The following PDXK variants were observed in gnomAD, a reference collection of about 807,000 sequenced individuals.
PDXK encodes pyridoxal kinase.
In PDXK, 15 loss-of-function variants were observed where a neutral mutation model predicts 43.2. That is an observed-to-expected ratio of 0.35 (90% CI 0.23 to 0.53). PDXK has a LOEUF of 0.53. Ranked by LOEUF, PDXK falls within the 20% of genes least tolerant of loss-of-function variation. PDXK has a pLI of 0.92. For synonymous variants in PDXK, 172 were observed against 165.4 expected (o/e 1.04, Z -0.31); for missense variants, 343 against 417.0 (o/e 0.82, Z 1.54).
intron 7 of PDXK, among the ~76,000 whole-genome samples, chr21:43,752,090 C>T (rs1311113078): frequency 6.8e-6 from 1 of 147,056 alleles, no homozygotes; most frequent in Non-Finnish European, 1.5e-5. Context: ...TGCTGGGTGG[C>T]GATGCAGCAC....
chr21:43,722,403 C>G (rs1222270156), intron 1 of PDXK, among the ~76,000 whole-genome samples: 3 of 152,228 alleles, frequency 2.0e-5, no homozygotes, highest in Non-Finnish European at 4.4e-5. Flanking sequence ...CTCCCAACCC[C>G]TTTTGCTCTA....
rs143932193 is a variant in PDXK, at chr21:43,736,024, C to T, written c.142+1901C>T. ...CAGCCCCTCAGCCCCTCTGGGCTCCCGTGCCACCCACTGTGAGTGCGGTGC... is the reference window on the plus strand; with the variant it reads ...CAGCCCCTCAGCCCCTCTGGGCTCCTGTGCCACCCACTGTGAGTGCGGTGC... On this transcript the variant is annotated intron_variant, in intron 2 of 10. Coordinates refer to ENST00000291565, the MANE Select transcript of PDXK (RefSeq NM_003681.5). Among the ~76,000 whole-genome samples the T allele has an allele frequency of 4.7e-3, 709 of 152,324 alleles. 8 individuals carry two copies. The highest frequency in any genetic ancestry group is 0.015 in the African/African-American group (636 of 41,570).
chr21:43,744,226 G>C (rs560649190), intron 4 of PDXK, among the ~76,000 whole-genome samples: 4 of 152,018 alleles, frequency 2.6e-5, no homozygotes, highest in East Asian at 3.9e-4. Flanking sequence ...GCTAGGGAGT[G>C]GGGGGAGGGA....
At position 43,735,146 on chromosome 21, in the gene PDXK, C is replaced by T. The variant is rs76482865; in HGVS notation, c.142+1023C>T. The stretch of plus-strand genomic sequence containing the variant: ...TGAAACCCTTTCCTGCCTTTGCTTG[C>T]GGGGCACACTGGGTGCTGTGAGATT... On this transcript the variant is annotated intron_variant, in intron 2 of 10. Transcript: ENST00000291565. This position sits in a 1 kb window ranked among gnomAD's most constrained non-coding sequence, Gnocchi z 5.3. Among the ~76,000 whole-genome samples the T allele has an allele frequency of 0.011, 1,646 of 152,332 alleles. 30 individuals are homozygous for T. Among genetic ancestry groups the T allele is most frequent in the African/African-American group, 0.037 (1,530 of 41,556 alleles).
chr21:43,729,870 G>A (rs2083295728), intron 1 of PDXK, among the ~76,000 whole-genome samples: 1 of 152,126 alleles, frequency 6.6e-6, no homozygotes, highest in Non-Finnish European at 1.5e-5. Context: ...ATTGAGCCCA[G>A]GAGGGAGAGG....
At position 43,761,036 on chromosome 21, in the gene PDXK, C is replaced by T. The variant is rs968058933; in HGVS notation, c.*4973C>T. ...GTAAGTTTAGATGACTGGTCAATAT[C>T]TTAAAAATGTATATTAGTAAGAAGT... On this transcript the variant is annotated 3_prime_UTR_variant, in exon 11 of 11. Transcript: ENST00000291565. The T allele has an allele frequency of 6.6e-6, 1 of 152,218 alleles. No homozygotes were observed. Among genetic ancestry groups the T allele is most frequent in the Admixed American group, 6.5e-5 (1 of 15,282 alleles). The allele number at this position is 152,218 out of a possible 1,614,324, so 9.4% of individuals were successfully genotyped here. A position where few individuals can be genotyped will look rare whatever the true frequency, so the allele number is the denominator to read the frequency against.
rs8377 is a variant in PDXK at position 43,761,430 on chromosome 21, G to A, written c.*5367G>A. On this transcript the variant is annotated 3_prime_UTR_variant, in exon 11 of 11. Coordinates refer to ENST00000291565, the MANE Select transcript of PDXK (RefSeq NM_003681.5). ...AGCAAGGGCAAGCCCAGTGTCTGGC[G>A]GATAGGTGGGTGGGAACAGAGAGGG... The A allele has an allele frequency of 0.22, 33,983 of 156,158 alleles. 4,014 individuals carry two copies. The highest frequency in any genetic ancestry group is 0.25 in the African/African-American group (10,224 of 41,564). 9.7% of individuals were successfully genotyped at this position (156,158 alleles called of 1,614,324 possible).
chr21:43,736,254 G>A (rs924645924), intron 2 of PDXK, among the ~76,000 whole-genome samples: 3 of 152,158 alleles, frequency 2.0e-5, no homozygotes, highest in South Asian at 2.1e-4. Flanking sequence ...CATGCACGAC[G>A]GGCCTCCCGC....
At chr21:43,738,156 A>G in intron 2 of PDXK, 1 of 577,556 alleles carries the variant, frequency 1.7e-6, no homozygotes, top group Non-Finnish European at 2.2e-6. Context: ...GAGCCCCTAC[A>G]GAGGTCAGCA....
intron 10 of PDXK, 79 bp downstream of exon 10, chr21:43,755,843 GT>G: frequency 6.8e-7 from 1 of 1,475,212 alleles, no homozygotes; most frequent in Non-Finnish European, 9.5e-7. Context: ...GCACGTGCTG[GT>G]TTTGAAGGTG....
At position 43,753,649 on chromosome 21, in the gene PDXK, T is replaced by C. The variant is rs2083795126; in HGVS notation, c.689T>C (p.Phe230Ser). The C allele has an allele frequency of 6.2e-7, 1 of 1,613,664 alleles. No individual in the cohort carries two copies. Among genetic ancestry groups the C allele is most frequent in the Non-Finnish European group, 8.5e-7 (1 of 1,179,818 alleles). The change falls in exon 9 of 11, where the codon TTT (phenylalanine) becomes TCT (serine). Residue 230 changes from phenylalanine (F) to serine (S), a missense_variant. Coordinates refer to ENST00000291565, the MANE Select transcript of PDXK (RefSeq NM_003681.5). ...RMDIRKVDAV[F>S]VGTGDLFAAM... is the part of the protein sequence containing the mutation. ...GACATTCGCAAAGTGGACGCCGTCT[T>C]TGTGGGCACTGGGGACCTGTTTGCT...
Position 43,761,839 on chromosome 21 carries a change from T to C in PDXK, c.*5776T>C, listed in dbSNP as rs1253192681. On this transcript the variant is annotated 3_prime_UTR_variant, in exon 11 of 11. Transcript: ENST00000291565. ...CCCATGAGGTGTCTGAAGCCCCTTC[T>C]TGGTGATGGGAGGCAGAGGTGCTGA... The C allele has an allele frequency of 6.5e-6, 1 of 153,294 alleles. No homozygotes were observed. Among genetic ancestry groups the C allele is most frequent in the African/African-American group, 2.4e-5 (1 of 41,454 alleles). The allele number at this position is 153,294 out of a possible 1,614,324, so 9.5% of individuals were successfully genotyped here. A position where few individuals can be genotyped will look rare whatever the true frequency, so the allele number is the denominator to read the frequency against.
At position 43,761,447 on chromosome 21, in the gene PDXK, CAG is replaced by C. The variant is rs981742872; in HGVS notation, c.*5389_*5390del. On this transcript the variant is annotated 3_prime_UTR_variant, in exon 11 of 11. Transcript: ENST00000291565. ...TGTCTGGCGGATAGGTGGGTGGGAA[CAG>C]AGAGGGGAGAATGCCGTCCTAAGCT... 1.3e-5 allele frequency: 2 copies of C among 156,278 alleles called. No homozygotes were observed. Among genetic ancestry groups the C allele is most frequent in the African/African-American group, 4.8e-5 (2 of 41,554 alleles). 9.7% of individuals were successfully genotyped at this position (156,278 alleles called of 1,614,324 possible).
In PDXK at chr21:43,755,962, G is replaced by A. The variant is rs764743040; in HGVS notation, c.838G>A (p.Glu280Lys). ...TGCCTGCCCCGCAGCCCAGGCCGGGGAAGGAGTGAGGCCCAGCCCCATGCA... is the reference window on the plus strand; with the variant it reads ...TGCCTGCCCCGCAGCCCAGGCCGGGAAAGGAGTGAGGCCCAGCCCCATGCA... The part of the protein sequence containing the change: ...TIQCAKAQAG[E>K]GVRPSPMQLE... Residue 280 changes from glutamate (E) to lysine (K), a missense_variant, in exon 11 of 11, where the codon GAA becomes AAA. By Grantham distance (56) the Glu-to-Lys change is moderately conservative. Transcript: ENST00000291565. 6.2e-7 allele frequency: 1 copy of A among 1,610,466 alleles called. No individual in the cohort carries two copies. Among genetic ancestry groups the A allele is most frequent in the South Asian group, 1.1e-5 (1 of 90,836 alleles).
At position 43,730,346 on chromosome 21, in the gene PDXK, G is replaced by T. The variant is rs1042565217; in HGVS notation, c.88-3723G>T. On this transcript the variant is annotated intron_variant, in intron 1 of 10. Coordinates refer to ENST00000291565, the MANE Select transcript of PDXK (RefSeq NM_003681.5). ...TTGCCATGTTGTCCAGGCTGGTCTC[G>T]AACTCCTGACCTCAGGTGATCCTCC... 2.6e-5 allele frequency among the ~76,000 whole-genome samples: 4 copies of T among 152,080 alleles called. No individual in the cohort carries two copies. In the East Asian group the frequency reaches 7.7e-4, roughly 29 times the overall value.
chr21:43,748,756 C>T (rs989650417), intron 5 of PDXK, among the ~76,000 whole-genome samples: 2 of 152,138 alleles, frequency 1.3e-5, no homozygotes, highest in Non-Finnish European at 2.9e-5. Context: ...ACCCACTGTG[C>T]GCCCTGAGTC....
At chr21:43,736,600 C>G (rs1384278245) in intron 2 of PDXK, among the ~76,000 whole-genome samples, 2 of 150,724 alleles carry the variant, frequency 1.3e-5, no homozygotes, top group African/African-American at 4.9e-5. Context: ...ATTCGCGACT[C>G]TGCCCAGGGT....
chr21:43,749,041 C>T lies in PDXK; in HGVS notation c.425C>T (p.Pro142Leu), dbSNP rs1555885476. The change falls in exon 6 of 11, where the codon CCG becomes CTG. Residue 142 changes from proline (P) to leucine (L), a missense_variant. Transcript: ENST00000291565. ...CCCGTCTACAAAGAAAAAGTGGTGCCGCTTGCAGACATTATCACGCCCAAC... is the reference window on the plus strand; with the variant it reads ...CCCGTCTACAAAGAAAAAGTGGTGCTGCTTGCAGACATTATCACGCCCAAC... ...LLPVYKEKVV[P>L]LADIITPNQF... The T allele has an allele frequency of 1.9e-6, 3 of 1,612,510 alleles. No homozygotes were observed. The highest frequency in any genetic ancestry group is 1.3e-5 in the African/African-American group (1 of 74,884).
At chr21:43,728,614 T>A in intron 1 of PDXK, 1 of 630,028 alleles carries the variant, frequency 1.6e-6, no homozygotes, top group Non-Finnish European at 2.0e-6. Context: ...CCTGTCTGCC[T>A]CGCTGTGAGC....
Sources: gnomAD v4.1 joint callset for allele counts (sites outside exome capture counted in the v4.1 genomes callset) on GRCh38, gnomAD v4.1.1 for gene constraint, Gnocchi (gnomAD v3.1) non-coding constraint, MANE v1.5 for transcripts, NCBI Gene and HGNC (gene_info 2026-07-23, HGNC 2026-07-21) for gene names.